Variants in CNTN5 observed in about 807,000 individuals in gnomAD.
CNTN5 encodes the protein contactin-5.
In CNTN5, 77 loss-of-function variants were observed where a neutral mutation model predicts 129.1. That is an observed-to-expected ratio of 0.60 (90% CI 0.50 to 0.72). The LOEUF (loss-of-function observed/expected upper bound fraction) is 0.72, where lower values mean the gene tolerates loss of function less well. CNTN5 is among the 30% of genes least tolerant of loss of function. The probability of loss-of-function intolerance (pLI) is 0.00; values close to 1 mark genes in which losing one functional copy is unlikely to be tolerated. For missense variants in CNTN5, 1,478 were observed against 1,328.8 expected (o/e 1.11, Z -1.75); for synonymous variants, 509 against 465.6 (o/e 1.09, Z -1.20).
intron 3 of CNTN5, among the ~76,000 whole-genome samples, chr11:99,623,226 CT>C (rs2135771908): frequency 6.6e-6 from 1 of 152,078 alleles, no homozygotes; most frequent in Admixed American, 6.6e-5. Context: ...GTGATAAAAC[CT>C]CACTAAAAAT....
chr11:99,595,353 T>C (rs1275277577), intron 3 of CNTN5, among the ~76,000 whole-genome samples: 1 of 7,904 alleles, frequency 1.3e-4, no homozygotes, highest in Non-Finnish European at 7.1e-3. Flanking sequence ...GTCAATTATA[T>C]ATTAAAAAAT....
intron 4 of CNTN5, among the ~76,000 whole-genome samples, chr11:99,838,860 A>C (rs1049711380): frequency 1.3e-5 from 2 of 152,180 alleles, no homozygotes; most frequent in African/African-American, 4.8e-5. Context: ...TATTAGAAGT[A>C]ATATAGTATG....
intron 18 of CNTN5, among the ~76,000 whole-genome samples, chr11:100,289,276 T>C (rs1206340586): frequency 2.6e-5 from 4 of 152,170 alleles, no homozygotes; most frequent in East Asian, 1.9e-4. Flanking sequence ...AGCATCATCC[T>C]GATACCAAAG....
At chr11:99,703,774 AT>A (rs1173939473) in intron 3 of CNTN5, among the ~76,000 whole-genome samples, 2 of 151,054 alleles carry the variant, frequency 1.3e-5, no homozygotes, top group Admixed American at 6.6e-5. Context: ...TAATTTGATC[AT>A]TTAACACAGA....
chr11:100,216,120 A>C (rs558321299), intron 15 of CNTN5, among the ~76,000 whole-genome samples: 1 of 152,266 alleles, frequency 6.6e-6, no homozygotes, highest in East Asian at 1.9e-4. Context: ...GATTTTTCAC[A>C]ATACCAGGTC....
chr11:99,495,850 A>G (rs1050195716), intron 2 of CNTN5, among the ~76,000 whole-genome samples: 2 of 152,198 alleles, frequency 1.3e-5, no homozygotes, highest in African/African-American at 4.8e-5. Flanking sequence ...CTTGAAAGAT[A>G]GAAGATAAAA....
chr11:100,290,225 A>G (rs1950925987), intron 18 of CNTN5, among the ~76,000 whole-genome samples: 1 of 151,610 alleles, frequency 6.6e-6, no homozygotes, highest in Non-Finnish European at 1.5e-5. Context: ...CAAGCTACCA[A>G]TGCCTTTCTT....
chr11:99,770,606 G>A (rs1215939013), intron 3 of CNTN5, among the ~76,000 whole-genome samples: 1 of 151,814 alleles, frequency 6.6e-6, no homozygotes, highest in Non-Finnish European at 1.5e-5. Flanking sequence ...CTTTATTTGT[G>A]TCTTTTTGAA....
chr11:99,095,366 G>A (rs1866428528), intron 1 of CNTN5, among the ~76,000 whole-genome samples: 1 of 151,842 alleles, frequency 6.6e-6, no homozygotes, highest in Non-Finnish European at 1.5e-5. Flanking sequence ...TATGTACTCT[G>A]TTATTGAAAA....
At chr11:99,589,216 C>T (rs1194108669) in intron 3 of CNTN5, among the ~76,000 whole-genome samples, 1 of 152,080 alleles carries the variant, frequency 6.6e-6, no homozygotes, top group Non-Finnish European at 1.5e-5. Context: ...ATGCTGTCTG[C>T]CTGAATAACA....
chr11:99,595,797 C>T (rs918405933), intron 3 of CNTN5, among the ~76,000 whole-genome samples: 13 of 151,568 alleles, frequency 8.6e-5, no homozygotes, highest in Non-Finnish European at 1.6e-4. Context: ...CTATTAGTTG[C>T]AAGAAATGTG....
At chr11:99,509,344 T>C (rs1463606449) in intron 2 of CNTN5, among the ~76,000 whole-genome samples, 2 of 152,192 alleles carry the variant, frequency 1.3e-5, no homozygotes, top group Non-Finnish European at 2.9e-5. Flanking sequence ...CTCAAAAAAT[T>C]TGTAAACAAA....
Position 99,769,486 on chromosome 11 carries a change from C to T in CNTN5, c.56-50058C>T, listed in dbSNP as rs75054232. On this transcript the variant is annotated intron_variant, in intron 3 of 24. Transcript: ENST00000524871. Reference sequence around the variant, plus strand: ...CACCTCTCTCACTCTATAACTTGATCTCCCATTTCCTGTAATGAGAATCAT... The same window carrying T: ...CACCTCTCTCACTCTATAACTTGATTTCCCATTTCCTGTAATGAGAATCAT... Among the ~76,000 whole-genome samples, 1,494 of 152,240 alleles carry T rather than the reference C, an allele frequency of 9.8e-3. 28 individuals carry two copies. Among genetic ancestry groups the T allele is most frequent in the African/African-American group, 0.034 (1,407 of 41,532 alleles).
chr11:99,984,114 A>G (rs1377873798), intron 8 of CNTN5, among the ~76,000 whole-genome samples: 1 of 152,066 alleles, frequency 6.6e-6, no homozygotes, highest in Non-Finnish European at 1.5e-5. Context: ...CTAAAAATAC[A>G]CACAAAAAAT....
At chr11:100,223,851 C>A (rs181765140) in intron 15 of CNTN5, among the ~76,000 whole-genome samples, 1 of 151,992 alleles carries the variant, frequency 6.6e-6, no homozygotes, top group African/African-American at 2.4e-5. Flanking sequence ...TACATGATCA[C>A]GATAAAGGAA....
chr11:99,396,355 A>G (rs1457190865), intron 2 of CNTN5, among the ~76,000 whole-genome samples: 1 of 151,674 alleles, frequency 6.6e-6, no homozygotes, highest in Non-Finnish European at 1.5e-5. Flanking sequence ...TTGTTTCTAA[A>G]TAAAATATAG....
At chr11:99,773,885 T>A (rs912203171) in intron 3 of CNTN5, among the ~76,000 whole-genome samples, 1 of 152,026 alleles carries the variant, frequency 6.6e-6, no homozygotes, top group Non-Finnish European at 1.5e-5. Flanking sequence ...TTGTTTATAT[T>A]ACAAAAAATA....
At chr11:99,539,867 T>G (rs2135491563) in intron 2 of CNTN5, among the ~76,000 whole-genome samples, 1 of 152,284 alleles carries the variant, frequency 6.6e-6, no homozygotes, top group East Asian at 1.9e-4. Context: ...CCCCACAGTT[T>G]TAATAATAAT....
intron 3 of CNTN5, among the ~76,000 whole-genome samples, chr11:99,624,106 C>T (rs915891931): frequency 2.0e-5 from 3 of 151,974 alleles, no homozygotes; most frequent in Non-Finnish European, 4.4e-5. Context: ...CATGTCTCCT[C>T]ATAGGCTTAT....
Sources: gnomAD v4.1 joint callset for allele counts (sites outside exome capture counted in the v4.1 genomes callset) on GRCh38, gnomAD v4.1.1 for gene constraint, MANE v1.5 for transcripts, NCBI Gene and HGNC (gene_info 2026-07-23, HGNC 2026-07-21) for gene names.